Variants in STARD5 observed in about 807,000 individuals in gnomAD.
The protein encoded by STARD5 is StAR related lipid transfer domain containing 5.
A neutral mutation model predicts 24.6 loss-of-function variants in STARD5; 26 were observed. That is an observed-to-expected ratio of 1.06 (90% CI 0.77 to 1.47). The LOEUF is 1.47. Ranked by LOEUF, STARD5 falls within the 40% of genes most tolerant of loss-of-function variation. The pLI, the probability that STARD5 is intolerant of heterozygous loss-of-function variation, is 0.00. For missense variants in STARD5, 254 were observed against 270.8 expected, an observed-to-expected ratio of 0.94 and a Z score of 0.44; for synonymous variants, 101 against 99.7, an observed-to-expected ratio of 1.01 and a Z score of -0.07.
chr15:81,314,050 CTA>C (rs761138130), intron 5 of STARD5: 2 of 151,984 alleles, frequency 1.3e-5, no homozygotes, highest in East Asian at 3.8e-4. Flanking sequence ...AAAATGTTAT[CTA>C]TGTTAACATG....
Position 81,322,509 on chromosome 15 carries a change from G to A in STARD5, c.181C>T (p.Leu61=), listed in dbSNP as rs772501398. 2 of 1,614,044 alleles carry A rather than the reference G, an allele frequency of 1.2e-6. No individual in the cohort carries two copies. The highest frequency in any genetic ancestry group is 3.3e-5 in the Admixed American group (2 of 59,996). The stretch of plus-strand genomic sequence containing the variant: ...TTCACACAGTCCCACACCTCCTCTA[G>A]TGTCCCATATACAATGCCTTCTCCT... The part of the protein sequence containing the change: ...YRGEGIVYGT[L]EEVWDCVKPA... The change falls in exon 3 of 6, where the codon CTA becomes TTA. Residue 61 remains leucine (L), a synonymous_variant. Transcript: ENST00000302824.
At chr15:81,320,163 G>A (rs1273924945) in intron 3 of STARD5, among the ~76,000 whole-genome samples, 1 of 152,144 alleles carries the variant, frequency 6.6e-6, no homozygotes, top group Non-Finnish European at 1.5e-5. Context: ...GAGAAGTACA[G>A]GCCAGGCCTG....
Position 81,312,469 on chromosome 15 carries a change from G to T in STARD5, c.*787C>A, listed in dbSNP as rs1335067185. ...AAATGCCCAAGGGAAAGAAAAGGAA[G>T]GCTCTTCTCCCCAGAGTTCCCCATG... On this transcript the variant is annotated 3_prime_UTR_variant, in exon 6 of 6. Transcript: ENST00000302824. The T allele has an allele frequency of 6.6e-6, 1 of 152,282 alleles. No homozygotes were observed. Among genetic ancestry groups the T allele is most frequent in the Non-Finnish European group, 1.5e-5 (1 of 68,100 alleles). The allele number at this position is 152,282 out of a possible 1,614,324, so 9.4% of individuals were successfully genotyped here. A position where few individuals can be genotyped will look rare whatever the true frequency, so the allele number is the denominator to read the frequency against.
Position 81,311,142 on chromosome 15 carries a change from C to T in STARD5, c.*2114G>A, listed in dbSNP as rs1362425797. The T allele has an allele frequency of 1.3e-5, 2 of 152,192 alleles. No individual in the cohort carries two copies. The highest frequency in any genetic ancestry group is 1.3e-4 in the Admixed American group (2 of 15,280). The allele number at this position is 152,192 out of a possible 1,614,324, so 9.4% of individuals were successfully genotyped here. ...CACTTGAGGCTTAGCTTTGCTCTGC[C>T]AACTTCTTCAGAGCTGACACAGGAT... On this transcript the variant is annotated 3_prime_UTR_variant, in exon 6 of 6. Coordinates refer to ENST00000302824, the MANE Select transcript of STARD5 (RefSeq NM_181900.3).
chr15:81,319,983 C>CT (rs1412333868), intron 3 of STARD5, among the ~76,000 whole-genome samples: 1 of 152,200 alleles, frequency 6.6e-6, no homozygotes, highest in African/African-American at 2.4e-5. Context: ...TGGGGCAACT[C>CT]TTTGGTTTAC....
At chr15:81,316,927 G>A (rs1416561160) in intron 5 of STARD5, among the ~76,000 whole-genome samples, 2 of 152,098 alleles carry the variant, frequency 1.3e-5, no homozygotes, top group African/African-American at 4.8e-5. Flanking sequence ...GGCCAGGCGC[G>A]GTGACTCACG....
At position 81,310,209 on chromosome 15, in the gene STARD5, CAAT is replaced by C. The variant is rs1314939076; in HGVS notation, c.*3044_*3046del. 1 of 152,222 alleles carries C rather than the reference CAAT, an allele frequency of 6.6e-6. No individual in the cohort carries two copies. Among genetic ancestry groups the C allele is most frequent in the African/African-American group, 2.4e-5 (1 of 41,456 alleles). The allele number at this position is 152,222 out of a possible 1,614,324, so 9.4% of individuals were successfully genotyped here. ...GGCAAGGACACAGATGAAACACAAA[CAAT>C]AGTAATTCTCAGGCCATCATCAGTG... On this transcript the variant is annotated 3_prime_UTR_variant, in exon 6 of 6. Coordinates refer to ENST00000302824, the MANE Select transcript of STARD5 (RefSeq NM_181900.3).
chr15:81,323,805 C>T, intron 1 of STARD5, 196 bp downstream of exon 1: 2 of 707,996 alleles, frequency 2.8e-6, no homozygotes, highest in Admixed American at 2.4e-5. Context: ...TACTTACCAC[C>T]TGAAGTCATT....
intron 5 of STARD5, among the ~76,000 whole-genome samples, chr15:81,314,893 G>GAAAAAA (rs5814055): frequency 2.2e-4 from 23 of 104,034 alleles, no homozygotes; most frequent in East Asian, 2.9e-4. Context: ...CCTCAAAAAA[G>GAAAAAA]AAAAAAAAAA....
At chr15:81,318,137 A>G in intron 5 of STARD5, among the ~76,000 whole-genome samples, 1 of 151,956 alleles carries the variant, frequency 6.6e-6, no homozygotes, top group Non-Finnish European at 1.5e-5. Flanking sequence ...GGACCATGAC[A>G]TTTGCTTAAC....
intron 1 of STARD5, 189 bp downstream of exon 1, chr15:81,323,812 C>CA (rs1305076076): frequency 4.2e-6 from 3 of 713,394 alleles, no homozygotes; most frequent in Non-Finnish European, 7.1e-6. Context: ...CACCTGAAGT[C>CA]ATTGTGAGCA....
intron 3 of STARD5, 100 bp downstream of exon 3, chr15:81,322,308 T>C: frequency 6.7e-7 from 1 of 1,495,980 alleles, no homozygotes; most frequent in Non-Finnish European, 9.2e-7. Flanking sequence ...CACACCCCCT[T>C]AACAAAAGGT....
chr15:81,313,066 C>T lies in STARD5; in HGVS notation c.*190G>A, dbSNP rs1306369821. 1.8e-6 allele frequency: 1 copy of T among 554,600 alleles called. No individual in the cohort carries two copies. The highest frequency in any genetic ancestry group is 2.0e-5 in the African/African-American group (1 of 50,762). The allele number at this position is 554,600 out of a possible 1,614,324, so 34.4% of individuals were successfully genotyped here. On this transcript the variant is annotated 3_prime_UTR_variant, in exon 6 of 6. Coordinates refer to ENST00000302824, the MANE Select transcript of STARD5 (RefSeq NM_181900.3). Reference sequence around the variant, plus strand: ...ACATGAATGGCTCATCACACGCCAACCCTGAGTGGGGCAGGAGGCAGGAAG... The same window carrying T: ...ACATGAATGGCTCATCACACGCCAATCCTGAGTGGGGCAGGAGGCAGGAAG...
rs763373412 is a variant in STARD5 at position 81,322,431 on chromosome 15, C to G, written c.259G>C (p.Glu87Gln). ...ACGTCAGTGATGCTTTGGATAATTT[C>G]AAAACCGGTCACATTCTCATCCCAC... ...VKWDENVTGF[E>Q]IIQSITDTLC... The change falls in exon 3 of 6, where the codon GAA becomes CAA. Residue 87 changes from glutamate (E) to glutamine (Q), a missense_variant. By Grantham distance (29) the Glu-to-Gln change is conservative. Coordinates refer to ENST00000302824, the MANE Select transcript of STARD5 (RefSeq NM_181900.3). The G allele has an allele frequency of 4.3e-6, 7 of 1,614,108 alleles. No homozygotes were observed. The highest frequency in any genetic ancestry group is 1.3e-5 in the African/African-American group (1 of 74,942).
intron 5 of STARD5, among the ~76,000 whole-genome samples, chr15:81,314,678 G>T (rs932418330): frequency 1.3e-5 from 2 of 152,030 alleles, no homozygotes; most frequent in African/African-American, 4.8e-5. Context: ...CTGAGGTCAG[G>T]AGTTCGAGAC....
Position 81,309,087 on chromosome 15 carries a change from T to A in STARD5, c.*4169A>T, listed in dbSNP as rs1464794903. On this transcript the variant is annotated 3_prime_UTR_variant, in exon 6 of 6. Transcript: ENST00000302824. ...CACAAATAAAATGGATTTATTAGAA[T>A]TTCATATGACATTCATGCCTGGCTT... 1 of 331,218 alleles carries A rather than the reference T, an allele frequency of 3.0e-6. No individual in the cohort carries two copies. Among genetic ancestry groups the A allele is most frequent in the Non-Finnish European group, 5.5e-6 (1 of 182,496 alleles). 20.5% of individuals were successfully genotyped at this position (331,218 alleles called of 1,614,324 possible). A position where few individuals can be genotyped will look rare whatever the true frequency, so the allele number is the denominator to read the frequency against.
intron 5 of STARD5, among the ~76,000 whole-genome samples, chr15:81,315,375 G>C (rs1901059706): frequency 6.6e-6 from 1 of 152,118 alleles, no homozygotes; most frequent in South Asian, 2.1e-4. Context: ...CAGTGGCCTT[G>C]GTGAGTGGTA....
chr15:81,319,488 TGCTG>T, intron 3 of STARD5, 32 bp from the exon 4 acceptor site: 1 of 1,593,676 alleles, frequency 6.3e-7, no homozygotes, highest in Non-Finnish European at 8.6e-7. Context: ...TAGCTGTGAC[TGCTG>T]GCCAGACATC....
intron 5 of STARD5, among the ~76,000 whole-genome samples, chr15:81,316,545 C>T (rs1901086775): frequency 6.6e-6 from 1 of 152,172 alleles, no homozygotes; most frequent in African/African-American, 2.4e-5. Context: ...ATGAGGATCA[C>T]AACAGTGCCT....
Sources: allele counts gnomAD v4.1 joint callset (sites outside exome capture counted in the v4.1 genomes callset), GRCh38; gene constraint gnomAD v4.1.1; transcripts MANE v1.5; gene names NCBI Gene and HGNC (gene_info 2026-07-23, HGNC 2026-07-21).